Variants in SCN3A observed in about 807,000 individuals in gnomAD.
SCN3A encodes sodium channel protein type 3 subunit alpha.
In SCN3A, 60 loss-of-function variants were observed where a neutral mutation model predicts 187.6. The observed-to-expected ratio is 0.32, with a 90% CI of 0.26 to 0.40. The LOEUF is 0.40. Among genes scored for constraint, SCN3A ranks in the 10% least tolerant of loss-of-function variants. The pLI, the probability that SCN3A is intolerant of heterozygous loss-of-function variation, is 1.00. For missense variants in SCN3A, 1,601 were observed against 2,428.2 expected (o/e 0.66, Z 7.16); for synonymous variants, 788 against 829.2 (o/e 0.95, Z 0.85).
intron 23 of SCN3A, 150 bp from the exon 24 acceptor site, chr2:165,096,670 A>G: frequency 1.7e-6 from 1 of 599,508 alleles, no homozygotes; most frequent in Non-Finnish European, 3.0e-6. Flanking sequence ...ATTGAAATAG[A>G]AAAACATTTG....
At chr2:165,129,870 A>G in intron 17 of SCN3A, 70 bp downstream of exon 17, 1 of 1,581,708 alleles carries the variant, frequency 6.3e-7, no homozygotes, top group Non-Finnish European at 8.7e-7. Context: ...TATGTTTACT[A>G]CATCTGGCCA....
rs1368493376 is a variant in SCN3A, at chr2:165,087,881, A to G, written c.*2269T>C. ...AAATTGAAAGCTATTGTAGGTGGTT[A>G]CTACTATTATTATCAAACCTGAAAG... On this transcript the variant is annotated 3_prime_UTR_variant, in exon 28 of 28. Coordinates refer to ENST00000283254, the MANE Select transcript of SCN3A (RefSeq NM_006922.4). The G allele has an allele frequency of 6.6e-6, 1 of 152,132 alleles. No individual in the cohort carries two copies. The highest frequency in any genetic ancestry group is 6.5e-5 in the Admixed American group (1 of 15,268). The allele number at this position is 152,132 out of a possible 1,614,324, so 9.4% of individuals were successfully genotyped here. A position where few individuals can be genotyped will look rare whatever the true frequency, so the allele number is the denominator to read the frequency against.
At chr2:165,173,861 A>G (rs1280443716) in intron 3 of SCN3A, among the ~76,000 whole-genome samples, 3 of 152,188 alleles carry the variant, frequency 2.0e-5, no homozygotes, top group Non-Finnish European at 1.5e-5. Flanking sequence ...AGCCAACCGT[A>G]AAGACTATCT....
At chr2:165,157,282 T>C (rs12464786) in intron 9 of SCN3A, among the ~76,000 whole-genome samples, 11,484 of 152,244 alleles carry the variant, frequency 0.075, 1,248 homozygotes, top group East Asian at 0.48. Flanking sequence ...TTAGTAGTTA[T>C]GTCTTTTTAG....
At chr2:165,184,361 T>A (rs1253749384) in intron 2 of SCN3A, among the ~76,000 whole-genome samples, 6 of 152,016 alleles carry the variant, frequency 3.9e-5, no homozygotes, top group Non-Finnish European at 1.5e-5. Flanking sequence ...GTTAGCCCAT[T>A]TAATCACTGT....
chr2:165,194,288 A>G (rs919863736), intron 1 of SCN3A, among the ~76,000 whole-genome samples: 3 of 152,136 alleles, frequency 2.0e-5, no homozygotes, highest in Non-Finnish European at 2.9e-5. Context: ...GTTAATTTGT[A>G]GTACCTCTTT....
Position 165,176,130 on chromosome 2 carries a change from C to A in SCN3A, c.264+1G>T, listed in dbSNP as rs1690437770. ...ATTAGAAGTCTAAAATCAATACTCACTTTCTTATTGATATAGTAGGGATCC... is the reference window on the plus strand; with the variant it reads ...ATTAGAAGTCTAAAATCAATACTCAATTTCTTATTGATATAGTAGGGATCC... On this transcript the variant is annotated splice_donor_variant, in intron 3 of 27. Transcript: ENST00000283254. LOFTEE classifies it high-confidence loss of function. 1 of 1,612,306 alleles carries A rather than the reference C, an allele frequency of 6.2e-7. No homozygotes were observed. Among genetic ancestry groups the A allele is most frequent in the Admixed American group, 1.7e-5 (1 of 59,970 alleles).
intron 1 of SCN3A, among the ~76,000 whole-genome samples, chr2:165,199,264 CTT>C (rs1041101390): frequency 6.6e-6 from 1 of 151,982 alleles, no homozygotes; most frequent in East Asian, 1.9e-4. Context: ...ATTTCTCTAA[CTT>C]TGCTCCAGCA....
Position 165,113,061 on chromosome 2 carries a change from A to T in SCN3A, c.3670-3T>A. The T allele has an allele frequency of 3.7e-6, 6 of 1,607,670 alleles. No individual in the cohort carries two copies. Among genetic ancestry groups the T allele is most frequent in the Non-Finnish European group, 5.1e-6 (6 of 1,175,640 alleles). On this transcript the variant is annotated splice_polypyrimidine_tract_variant and splice_region_variant and intron_variant, in intron 20 of 27. Coordinates refer to ENST00000283254, the MANE Select transcript of SCN3A (RefSeq NM_006922.4). ...TCAATGTATATATCTTCAAAGGCCT[A>T]TGAATCAAAAATATTTTATTTTACT...
rs1034330428 is a variant in SCN3A, at chr2:165,159,684, T to A, written c.1031+2624A>T. The stretch of plus-strand genomic sequence containing the variant: ...GCCCCAGTCTTTTTTTTTTTTTTTT[T>A]AAATCAGATATGTGCTTTGCAAATA... On this transcript the variant is annotated intron_variant, in intron 9 of 27. Transcript: ENST00000283254. 9.4e-4 allele frequency among the ~76,000 whole-genome samples: 125 copies of A among 133,470 alleles called. 21 individuals carry two copies. Among genetic ancestry groups the A allele is most frequent in the East Asian group, 2.6e-3 (9 of 3,432 alleles). 87.6% of individuals were successfully genotyped at this position (133,470 alleles called of 152,430 possible).
chr2:165,113,789 A>T, intron 20 of SCN3A, 27 bp downstream of exon 20: 1 of 1,610,776 alleles, frequency 6.2e-7, no homozygotes, highest in South Asian at 1.1e-5. Context: ...CCAGAATCTG[A>T]TTCTTGCCAA....
chr2:165,162,281 T>A (rs1422801801), intron 9 of SCN3A, 27 bp downstream of exon 9: 1 of 1,594,642 alleles, frequency 6.3e-7, no homozygotes, highest in East Asian at 2.2e-5. Flanking sequence ...GAGTTCTATA[T>A]CTTAAAAAAT....
At chr2:165,179,478 T>G (rs1229120619) in intron 2 of SCN3A, 1 of 152,236 alleles carries the variant, frequency 6.6e-6, no homozygotes, top group East Asian at 1.9e-4. Flanking sequence ...TTATTCTGAT[T>G]TATCTGAGAT....
chr2:165,163,916 CT>C, intron 6 of SCN3A: 1 of 1,608,146 alleles, frequency 6.2e-7, no homozygotes, highest in Non-Finnish European at 8.5e-7. Context: ...ATCAGAGTTA[CT>C]GATAGTTTTG....
intron 11 of SCN3A, among the ~76,000 whole-genome samples, chr2:165,151,119 T>A (rs1448789275): frequency 6.6e-6 from 1 of 152,152 alleles, no homozygotes; most frequent in Non-Finnish European, 1.5e-5. Flanking sequence ...CTGTATCCAA[T>A]GGTAAGATGA....
chr2:165,148,596 T>C (rs1043308126), intron 11 of SCN3A, among the ~76,000 whole-genome samples: 1 of 152,060 alleles, frequency 6.6e-6, no homozygotes, highest in African/African-American at 2.4e-5. Context: ...AACTTAGTAC[T>C]AAATATGATT....
intron 21 of SCN3A, among the ~76,000 whole-genome samples, chr2:165,104,917 T>C (rs1331967257): frequency 1.3e-5 from 2 of 152,160 alleles, no homozygotes; most frequent in South Asian, 2.1e-4. Flanking sequence ...ACAAAGATAA[T>C]AGGAGAAGAT....
intron 18 of SCN3A, among the ~76,000 whole-genome samples, chr2:165,120,167 C>A (rs1336369193): frequency 6.6e-6 from 1 of 151,972 alleles, no homozygotes; most frequent in African/African-American, 2.4e-5. Flanking sequence ...AGAAGCCCGG[C>A]GCAATGCTGT....
At chr2:165,119,729 T>C (rs1236528793) in intron 18 of SCN3A, 2 of 152,166 alleles carry the variant, frequency 1.3e-5, no homozygotes, top group Non-Finnish European at 2.9e-5. Flanking sequence ...AAGTGACCAA[T>C]AAATATAAAG....
Sources: gnomAD v4.1 joint callset for allele counts (sites outside exome capture counted in the v4.1 genomes callset) on GRCh38, gnomAD v4.1.1 for gene constraint, MANE v1.5 for transcripts, NCBI Gene and HGNC (gene_info 2026-07-23, HGNC 2026-07-21) for gene names.